The following MPPED1 variants were observed in gnomAD, a reference collection of about 807,000 sequenced individuals.
The protein encoded by MPPED1 is metallophosphoesterase domain-containing protein 1.
In MPPED1, 16 loss-of-function variants were observed where a neutral mutation model predicts 36.2. The observed-to-expected ratio is 0.44, with a 90% CI of 0.30 to 0.67. The LOEUF (loss-of-function observed/expected upper bound fraction) is 0.67, where lower values mean the gene tolerates loss of function less well. MPPED1 is among the 30% of genes least tolerant of loss of function. The pLI is 0.10. For missense variants in MPPED1, 307 were observed against 453.4 expected (o/e 0.68, Z 2.93); for synonymous variants, 199 against 191.3 (o/e 1.04, Z -0.33).
At chr22:43,485,058 C>G (rs186962616) in intron 4 of MPPED1, among the ~76,000 whole-genome samples, 183 of 152,204 alleles carry the variant, frequency 1.2e-3, no homozygotes, top group Non-Finnish European at 2.2e-3. Flanking sequence ...CACACACATT[C>G]ATGTACATGC....
intron 5 of MPPED1, among the ~76,000 whole-genome samples, chr22:43,500,402 A>ATGGGG (rs1410482787): frequency 1.8e-4 from 5 of 27,990 alleles, no homozygotes; most frequent in Middle Eastern, 0.02. Flanking sequence ...TGGAGGTGGT[A>ATGGGG]GTGGTGGTGA....
At chr22:43,421,622 C>G (rs1390817908) in intron 1 of MPPED1, among the ~76,000 whole-genome samples, 1 of 152,214 alleles carries the variant, frequency 6.6e-6, no homozygotes, top group Non-Finnish European at 1.5e-5. Flanking sequence ...CTAAGCTCTC[C>G]TGACACCCAC....
intron 2 of MPPED1, among the ~76,000 whole-genome samples, chr22:43,425,797 A>G (rs1569064730): frequency 1.3e-5 from 2 of 152,182 alleles, no homozygotes; most frequent in East Asian, 1.9e-4. Context: ...ATGCTTTTCC[A>G]AAAGGACTGG....
chr22:43,468,016 C>A (rs1442878403), intron 3 of MPPED1, among the ~76,000 whole-genome samples: 1 of 152,194 alleles, frequency 6.6e-6, no homozygotes, highest in Admixed American at 6.5e-5. Context: ...TGCACATCCC[C>A]CTCTGCCCCG....
At chr22:43,445,912 C>T (rs1173808608) in intron 3 of MPPED1, among the ~76,000 whole-genome samples, 6 of 117,934 alleles carry the variant, frequency 5.1e-5, no homozygotes, top group Non-Finnish European at 9.9e-5. Context: ...AGACAGGGTC[C>T]TAGGCTGGAG....
At chr22:43,451,847 C>T (rs974761346) in intron 3 of MPPED1, among the ~76,000 whole-genome samples, 3 of 152,076 alleles carry the variant, frequency 2.0e-5, no homozygotes, top group Non-Finnish European at 2.9e-5. Context: ...TTTGTCTGTC[C>T]GAGGCTTCGG....
intron 3 of MPPED1, among the ~76,000 whole-genome samples, chr22:43,442,706 G>A (rs1028416999): frequency 6.6e-6 from 1 of 152,128 alleles, no homozygotes; most frequent in Admixed American, 6.5e-5. Flanking sequence ...GGGATGTGGG[G>A]CCACTTCTGA....
intron 4 of MPPED1, 91 bp downstream of exon 4, chr22:43,475,052 G>GGA: frequency 8.5e-7 from 1 of 1,182,594 alleles, no homozygotes; most frequent in Non-Finnish European, 1.2e-6. Context: ...TAGCAGCAGG[G>GGA]AGCTCCGGAT....
chr22:43,483,993 G>A (rs977717440), intron 4 of MPPED1, among the ~76,000 whole-genome samples: 1 of 152,238 alleles, frequency 6.6e-6, no homozygotes, highest in African/African-American at 2.4e-5. Context: ...AGGATGGAGG[G>A]CGAGTCCAAC....
In MPPED1 at chr22:43,418,283, G is replaced by A. The variant is rs574746090; in HGVS notation, c.-79+6125G>A. On this transcript the variant is annotated intron_variant, in intron 1 of 6. Transcript: ENST00000443721. ...TGTCCTGGGCCTGCGCTGAGTTTGAGAGGCCTGTGTTGGCTGGAAGTGATG... is the reference window on the plus strand; with the variant it reads ...TGTCCTGGGCCTGCGCTGAGTTTGAAAGGCCTGTGTTGGCTGGAAGTGATG... The A allele has an allele frequency of 1.3e-5, 5 of 392,036 alleles. No homozygotes were observed. In the Admixed American group the frequency reaches 1.4e-4, roughly 11 times the overall value. 24.3% of individuals were successfully genotyped at this position (392,036 alleles called of 1,614,324 possible). A position where few individuals can be genotyped will look rare whatever the true frequency, so the allele number is the denominator to read the frequency against.
intron 3 of MPPED1, among the ~76,000 whole-genome samples, chr22:43,448,100 G>A (rs1397300752): frequency 6.6e-6 from 1 of 151,902 alleles, no homozygotes; most frequent in Non-Finnish European, 1.5e-5. Context: ...TGTTGGTGAG[G>A]CTGGTCTTGA....
At chr22:43,447,942 G>A (rs135050) in intron 3 of MPPED1, among the ~76,000 whole-genome samples, 98,507 of 142,080 alleles carry the variant, frequency 0.69, 40,889 homozygotes, top group Non-Finnish European at 0.89. Flanking sequence ...GCAGTGGTGC[G>A]ATCTCGGCTC....
At chr22:43,499,349 T>C (rs1932543643) in intron 5 of MPPED1, among the ~76,000 whole-genome samples, 1 of 108,058 alleles carries the variant, frequency 9.3e-6, no homozygotes, top group African/African-American at 3.0e-5. Context: ...TGGGAGGTAG[T>C]GATGGTGATG....
chr22:43,504,082 A>G, intron 6 of MPPED1, among the ~76,000 whole-genome samples: 1 of 152,154 alleles, frequency 6.6e-6, no homozygotes, highest in African/African-American at 2.4e-5. Flanking sequence ...TGATAGTAGT[A>G]ATGATGATGA....
chr22:43,485,764 T>C (rs1931894452), intron 4 of MPPED1, among the ~76,000 whole-genome samples: 2 of 152,242 alleles, frequency 1.3e-5, no homozygotes, highest in Non-Finnish European at 1.5e-5. Context: ...AGATGGATGA[T>C]TCTGTGCATG....
intron 2 of MPPED1, among the ~76,000 whole-genome samples, chr22:43,427,288 A>C (rs2146822697): frequency 6.6e-6 from 1 of 152,332 alleles, no homozygotes; most frequent in East Asian, 1.9e-4. Flanking sequence ...CCCAGTTTCA[A>C]GGGATCCAGG....
At position 43,434,970 on chromosome 22, in the gene MPPED1, A is replaced by G. The variant is rs1005201094; in HGVS notation, c.225-64A>G. 1.9e-6 allele frequency: 3 copies of G among 1,539,264 alleles called. No individual in the cohort carries two copies. In the African/African-American group the frequency reaches 4.1e-5, roughly 21 times the overall value. On this transcript the variant is annotated intron_variant, in intron 2 of 6. Coordinates refer to ENST00000443721, the MANE Select transcript of MPPED1 (RefSeq NM_001044370.2). Reference sequence around the variant, plus strand: ...TGAGCTGTGGTGGATGGGGCTGCAGACACACCACCCGCAGGCTCGCGGCTC... The same window carrying G: ...TGAGCTGTGGTGGATGGGGCTGCAGGCACACCACCCGCAGGCTCGCGGCTC...
chr22:43,414,080 G>A (rs1928997835), intron 1 of MPPED1, among the ~76,000 whole-genome samples: 3 of 152,184 alleles, frequency 2.0e-5, no homozygotes, highest in Admixed American at 2.0e-4. Flanking sequence ...AGATAGGACA[G>A]GTTTAGATCT....
chr22:43,496,025 A>ATGG (rs1569089310), intron 4 of MPPED1, among the ~76,000 whole-genome samples: 62 of 26,000 alleles, frequency 2.4e-3, no homozygotes, highest in Admixed American at 4.4e-3. Flanking sequence ...GGAGGTGGTG[A>ATGG]TGGTGGAGGT....
Sources: allele counts gnomAD v4.1 joint callset (sites outside exome capture counted in the v4.1 genomes callset), GRCh38; gene constraint gnomAD v4.1.1; transcripts MANE v1.5; gene names NCBI Gene and HGNC (gene_info 2026-07-23, HGNC 2026-07-21).